The following REEP2 variants were observed in gnomAD, a reference collection of about 807,000 sequenced individuals.
REEP2 encodes receptor expression-enhancing protein 2.
In REEP2, 9 loss-of-function variants were observed where a neutral mutation model predicts 32.1. The observed-to-expected ratio is 0.28, with a 90% CI of 0.17 to 0.49. The LOEUF (loss-of-function observed/expected upper bound fraction) is 0.49. REEP2 is among the 20% of genes least tolerant of loss of function. The pLI is 0.99. For missense variants in REEP2, 236 were observed against 338.0 expected (o/e 0.70, Z 2.37); for synonymous variants, 128 against 139.1 (o/e 0.92, Z 0.56).
chr5:138,439,949 C>T (rs1206352655), intron 1 of REEP2: 2 of 362,664 alleles, frequency 5.5e-6, no homozygotes, highest in African/African-American at 4.3e-5. Context: ...TGGCACCTCC[C>T]CGGGCCCCAG....
Position 138,445,774 on chromosome 5 carries a change from C to T in REEP2, c.*23C>T. The T allele has an allele frequency of 6.2e-7, 1 of 1,608,754 alleles. No homozygotes were observed. Among genetic ancestry groups the T allele is most frequent in the Admixed American group, 1.7e-5 (1 of 59,356 alleles). ...TGAGCCCCTCCACCCCCGCAGGCTG[C>T]AGAGCAAGGATGAAGCCTCAGGAGG... On this transcript the variant is annotated 3_prime_UTR_variant, in exon 8 of 8. Transcript: ENST00000378339.
chr5:138,445,605 G>C lies in REEP2; in HGVS notation c.696+7G>C. 6.2e-7 allele frequency: 1 copy of C among 1,614,186 alleles called. No homozygotes were observed. Among genetic ancestry groups the C allele is most frequent in the Non-Finnish European group, 8.5e-7 (1 of 1,180,014 alleles). On this transcript the variant is annotated splice_region_variant and intron_variant, in intron 7 of 7. Transcript: ENST00000378339. ...AAAAGCGCCCAAAGCTGAGGTGAGG[G>C]CACTGGCCAGAGCTTGGGGAAACAG...
chr5:138,443,610 C>G (rs1291315781), intron 3 of REEP2: 1 of 150,858 alleles, frequency 6.6e-6, no homozygotes, highest in Non-Finnish European at 1.5e-5. Flanking sequence ...GGTGTGATCT[C>G]GGCTCACTGC....
At chr5:138,442,671 C>T (rs770411015) in intron 3 of REEP2, among the ~76,000 whole-genome samples, 2 of 151,890 alleles carry the variant, frequency 1.3e-5, no homozygotes, top group Non-Finnish European at 2.9e-5. Flanking sequence ...CTGTCCAATA[C>T]GGTGAAACCC....
chr5:138,445,447 T>A (rs1393952147), intron 6 of REEP2, 21 bp from the exon 7 acceptor site: 2 of 1,613,780 alleles, frequency 1.2e-6, no homozygotes, highest in Non-Finnish European at 1.7e-6. Flanking sequence ...TTCCCCCACC[T>A]CCTTTTCTCC....
At position 138,439,221 on chromosome 5, in the gene REEP2, A is replaced by G; in HGVS notation, c.13A>G (p.Ile5Val). Residue 5 changes from isoleucine (I) to valine (V), a missense_variant, in exon 1 of 8, where the codon ATC becomes GTC. Ile to Val is a conservative substitution (Grantham distance 29). Coordinates refer to ENST00000378339, the MANE Select transcript of REEP2 (RefSeq NM_001271803.2). MVSW[I>V]ISRLVVLIFG... ...GCCCGGCCCCGCCATGGTGTCCTGG[A>G]TCATCTCTCGCCTGGTGGTGTGAGT... 7.1e-7 allele frequency: 1 copy of G among 1,416,116 alleles called. No homozygotes were observed. The highest frequency in any genetic ancestry group is 9.2e-7 in the Non-Finnish European group (1 of 1,088,396). 87.7% of individuals were successfully genotyped at this position (1,416,116 alleles called of 1,614,324 possible).
At chr5:138,439,680 G>A in intron 1 of REEP2, 2 of 458,390 alleles carry the variant, frequency 4.4e-6, no homozygotes, top group South Asian at 1.5e-5. Context: ...TCATCATTCC[G>A]CAGCTCAGAG....
At chr5:138,439,970 ACAC>A (rs1233187510) in intron 1 of REEP2, 8 of 357,670 alleles carry the variant, frequency 2.2e-5, no homozygotes, top group Non-Finnish European at 5.5e-6. Flanking sequence ...GAGGGAACAC[ACAC>A]CATTCCCCAC....
rs549291372 is a variant in REEP2, at chr5:138,441,968, C to T, written c.182+507C>T. ...AACAAGGAGTAAGAACAAACATAAT[C>T]CCCATGTTTCTTTCTGGCGGCAGCC... On this transcript the variant is annotated intron_variant, in intron 3 of 7. Transcript: ENST00000378339. The surrounding 1 kb of genome is among the most constrained non-coding windows in gnomAD (Gnocchi z 4.4). Among the ~76,000 whole-genome samples the T allele has an allele frequency of 6.6e-6, 1 of 152,270 alleles. No individual in the cohort carries two copies. Among genetic ancestry groups the T allele is most frequent in the East Asian group, 1.9e-4 (1 of 5,184 alleles).
rs544447057 is a variant in REEP2 at position 138,441,867 on chromosome 5, C to T, written c.182+406C>T. Among the ~76,000 whole-genome samples, 26 of 152,090 alleles carry T rather than the reference C, an allele frequency of 1.7e-4. No homozygotes were observed. Among genetic ancestry groups the T allele is most frequent in the African/African-American group, 6.0e-4 (25 of 41,482 alleles). On this transcript the variant is annotated intron_variant, in intron 3 of 7. Coordinates refer to ENST00000378339, the MANE Select transcript of REEP2 (RefSeq NM_001271803.2). The surrounding 1 kb of genome is among the most constrained non-coding windows in gnomAD (Gnocchi z 4.4). ...GCTTGAACCCAGGAGGTAGAGGTTG[C>T]AGTGAGCCGAGATCGCGCCATTGCA...
chr5:138,440,873 C>A, intron 1 of REEP2, 143 bp from the exon 2 acceptor site: 1 of 1,480,920 alleles, frequency 6.8e-7, no homozygotes, highest in Non-Finnish European at 9.0e-7. Flanking sequence ...GCTGCTTTGA[C>A]CTTAACCCCT....
At position 138,439,169 on chromosome 5, in the gene REEP2, C is replaced by G. The variant is rs780866973; in HGVS notation, c.-40C>G. On this transcript the variant is annotated 5_prime_UTR_variant, in exon 1 of 8. Transcript: ENST00000378339. ...CGGCCTCAGGCAGCTGCATCCTCGG[C>G]CGGGCCGGGTCCCCGCCCCGCGCCG... 3.0e-6 allele frequency: 4 copies of G among 1,331,692 alleles called. No individual in the cohort carries two copies. Among genetic ancestry groups the G allele is most frequent in the Admixed American group, 3.1e-5 (1 of 32,058 alleles). 82.5% of individuals were successfully genotyped at this position (1,331,692 alleles called of 1,614,324 possible). A position where few individuals can be genotyped will look rare whatever the true frequency, so the allele number is the denominator to read the frequency against.
At position 138,441,318 on chromosome 5, in the gene REEP2, C is replaced by G; in HGVS notation, c.106-67C>G. Reference sequence around the variant, plus strand: ...GCCCAGGCATGTTCAACAGGCAGAGCTGGGGTCCTGGGTGTCCCTGGCCCC... The same window carrying G: ...GCCCAGGCATGTTCAACAGGCAGAGGTGGGGTCCTGGGTGTCCCTGGCCCC... On this transcript the variant is annotated intron_variant, in intron 2 of 7. Transcript: ENST00000378339. The surrounding 1 kb of genome is among the most constrained non-coding windows in gnomAD (Gnocchi z 4.4). The G allele has an allele frequency of 6.9e-7, 1 of 1,442,728 alleles. No homozygotes were observed. 89.4% of individuals were successfully genotyped at this position (1,442,728 alleles called of 1,614,324 possible).
chr5:138,440,648 G>T (rs1362797980), intron 1 of REEP2, among the ~76,000 whole-genome samples: 1 of 152,282 alleles, frequency 6.6e-6, no homozygotes, highest in Non-Finnish European at 1.5e-5. Context: ...GGGCAGATGG[G>T]TGTGAATGGG....
intron 6 of REEP2, 30 bp from the exon 7 acceptor site, chr5:138,445,438 T>A (rs747353725): frequency 6.2e-7 from 1 of 1,613,566 alleles, no homozygotes; most frequent in African/African-American, 1.3e-5. Flanking sequence ...TGGGAAAGAT[T>A]CCCCCACCTC....
rs373069993 is a variant in REEP2, at chr5:138,445,586, G to T, written c.684G>T (p.Ala228=). The change falls in exon 7 of 8, where the codon GCG becomes GCT. Residue 228 remains alanine (A), a synonymous_variant. Transcript: ENST00000378339. Reference sequence around the variant, plus strand: ...AGAGGGCCAAACCCATCAAAAAAGCGCCCAAAGCTGAGGTGAGGGCACTGG... The same window carrying T: ...AGAGGGCCAAACCCATCAAAAAAGCTCCCAAAGCTGAGGTGAGGGCACTGG... The part of the protein sequence containing the change: ...APKRAKPIKK[A]PKAEPLASKT... The T allele has an allele frequency of 1.9e-6, 3 of 1,614,086 alleles. No homozygotes were observed. The highest frequency in any genetic ancestry group is 1.7e-5 in the Admixed American group (1 of 60,004).
At chr5:138,440,987 A>T (rs1250867498) in intron 1 of REEP2, 29 bp from the exon 2 acceptor site, 9 of 1,610,212 alleles carry the variant, frequency 5.6e-6, no homozygotes, top group Non-Finnish European at 6.8e-6. Context: ...CTTGGCTGAG[A>T]GGCCCAGTAA....
At chr5:138,445,020 G>A (rs1763899657) in intron 5 of REEP2, 153 bp downstream of exon 5, 8 of 763,936 alleles carry the variant, frequency 1.0e-5, no homozygotes, top group South Asian at 1.8e-5. Context: ...CTATCTGGCC[G>A]AGTCACTTTG....
In REEP2 at chr5:138,445,554, G is replaced by C. The variant is rs543885371; in HGVS notation, c.652G>C (p.Ala218Pro). 6.2e-7 allele frequency: 1 copy of C among 1,614,178 alleles called. No individual in the cohort carries two copies. The highest frequency in any genetic ancestry group is 1.1e-5 in the South Asian group (1 of 91,090). The change falls in exon 7 of 8, where the codon GCT becomes CCT. Residue 218 changes from alanine (A) to proline (P), a missense_variant. Physicochemically the swap from Ala to Pro is conservative, Grantham distance 27. Coordinates refer to ENST00000378339, the MANE Select transcript of REEP2 (RefSeq NM_001271803.2). The stretch of plus-strand genomic sequence containing the variant: ...TTCTGAGGATGACATGGGAGACAAA[G>C]CTCCCAAGAGGGCCAAACCCATCAA... ...EASEDDMGDKAPKRAKPIKKA... is the reference protein window; with the variant it reads ...EASEDDMGDKPPKRAKPIKKA...
Sources: allele counts gnomAD v4.1 joint callset (sites outside exome capture counted in the v4.1 genomes callset), GRCh38; gene constraint gnomAD v4.1.1; non-coding constraint Gnocchi (gnomAD v3.1); transcripts MANE v1.5; gene names NCBI Gene and HGNC (gene_info 2026-07-23, HGNC 2026-07-21).